The following TAFA5 variants were observed in gnomAD, a reference collection of about 807,000 sequenced individuals.
The protein encoded by TAFA5 is chemokine-like protein TAFA-5.
TAFA5 carries 6 observed loss-of-function variants against 15.3 expected under a neutral mutation model. That is an observed-to-expected ratio of 0.39 (90% CI 0.21 to 0.77). TAFA5 has a LOEUF of 0.77. TAFA5 is among the 30% of genes least tolerant of loss of function. TAFA5 has a pLI of 0.41. For missense variants in TAFA5, 161 were observed against 193.1 expected, an observed-to-expected ratio of 0.83 and a Z score of 0.98; for synonymous variants, 103 against 80.7, an observed-to-expected ratio of 1.28 and a Z score of -1.48.
chr22:48,594,418 C>T (rs1924686763), intron 1 of TAFA5, among the ~76,000 whole-genome samples: 1 of 152,214 alleles, frequency 6.6e-6, no homozygotes, highest in South Asian at 2.1e-4. Flanking sequence ...GGCACACACA[C>T]ACGAGTGTGC....
At chr22:48,629,320 G>T (rs1444558105) in intron 1 of TAFA5, among the ~76,000 whole-genome samples, 3 of 152,088 alleles carry the variant, frequency 2.0e-5, no homozygotes, top group African/African-American at 7.2e-5. Context: ...GACAGAGGCG[G>T]AACAACCCAG....
chr22:48,521,246 A>G (rs1196505800), intron 1 of TAFA5, among the ~76,000 whole-genome samples: 2 of 152,124 alleles, frequency 1.3e-5, no homozygotes, highest in African/African-American at 4.8e-5. Flanking sequence ...TTAAAAAATA[A>G]AGTCAGTGCA....
intron 1 of TAFA5, among the ~76,000 whole-genome samples, chr22:48,613,815 C>A (rs771938507): frequency 6.6e-6 from 1 of 152,186 alleles, no homozygotes; most frequent in Non-Finnish European, 1.5e-5. Flanking sequence ...AGAATGTGGC[C>A]CCCTCGAGCT....
chr22:48,516,595 G>T (rs1398869000), intron 1 of TAFA5, among the ~76,000 whole-genome samples: 4 of 152,264 alleles, frequency 2.6e-5, no homozygotes. Context: ...TCTGAACGTT[G>T]CAGGGTGAAG....
At chr22:48,744,216 TTGG>T (rs1175084396) in intron 3 of TAFA5, among the ~76,000 whole-genome samples, 1 of 152,100 alleles carries the variant, frequency 6.6e-6, no homozygotes, top group Non-Finnish European at 1.5e-5. Context: ...CTGACATTTC[TTGG>T]TGGGATCAAG....
At chr22:48,573,096 C>G (rs1449421853) in intron 1 of TAFA5, among the ~76,000 whole-genome samples, 1 of 152,228 alleles carries the variant, frequency 6.6e-6, no homozygotes, top group Non-Finnish European at 1.5e-5. Context: ...CTGAGCTACA[C>G]TAGCCTTAAA....
intron 3 of TAFA5, among the ~76,000 whole-genome samples, chr22:48,712,422 A>T (rs1056810995): frequency 6.6e-6 from 1 of 152,220 alleles, no homozygotes; most frequent in Non-Finnish European, 1.5e-5. Flanking sequence ...AATTTAATAG[A>T]TCATGACCAG....
At chr22:48,647,529 T>G (rs1926909069) in intron 2 of TAFA5, among the ~76,000 whole-genome samples, 1 of 152,072 alleles carries the variant, frequency 6.6e-6, no homozygotes, top group Admixed American at 6.5e-5. Flanking sequence ...GCATGAGACC[T>G]GGGAACCCCA....
chr22:48,674,716 G>T (rs1441335817), intron 2 of TAFA5, among the ~76,000 whole-genome samples: 1 of 152,108 alleles, frequency 6.6e-6, no homozygotes, highest in Admixed American at 6.5e-5. Flanking sequence ...GAGACGCCGT[G>T]GGGAGGGGGG....
chr22:48,749,789 C>A, intron 3 of TAFA5, 50 bp from the exon 4 acceptor site: 1 of 1,555,676 alleles, frequency 6.4e-7, no homozygotes, highest in Non-Finnish European at 8.7e-7. Flanking sequence ...CCCTGTGGCC[C>A]TGGGCAGCGT....
chr22:48,724,386 C>T (rs1451377498), intron 3 of TAFA5, among the ~76,000 whole-genome samples: 1 of 152,186 alleles, frequency 6.6e-6, no homozygotes, highest in Non-Finnish European at 1.5e-5. Context: ...CAGCTTCCCT[C>T]CTCCCGACAC....
rs556716133 is a variant in TAFA5 at position 48,608,368 on chromosome 22, T to G, written c.113-38229T>G. On this transcript the variant is annotated intron_variant, in intron 1 of 3. Coordinates refer to ENST00000402357, the MANE Select transcript of TAFA5 (RefSeq NM_001082967.3). The stretch of plus-strand genomic sequence containing the variant: ...TCTCTGAACATTTATGCTGGTGAAG[T>G]GTGCGCTGAAATACGGTTTTGCCTC... Among the ~76,000 whole-genome samples the G allele has an allele frequency of 2.6e-5, 4 of 152,198 alleles. No individual in the cohort carries two copies. In the South Asian group the frequency reaches 8.3e-4, roughly 32 times the overall value.
At chr22:48,563,975 T>C (rs1009097563) in intron 1 of TAFA5, among the ~76,000 whole-genome samples, 1 of 151,836 alleles carries the variant, frequency 6.6e-6, no homozygotes, top group African/African-American at 2.4e-5. Context: ...AGCTGTTCTC[T>C]GTACAAAGAG....
intron 1 of TAFA5, among the ~76,000 whole-genome samples, chr22:48,515,945 C>T (rs956394055): frequency 1.3e-5 from 2 of 151,960 alleles, no homozygotes; most frequent in African/African-American, 2.4e-5. Flanking sequence ...AACTCAGAGA[C>T]CCCCACCCTA....
At chr22:48,512,610 A>C (rs1184541003) in intron 1 of TAFA5, among the ~76,000 whole-genome samples, 1 of 151,020 alleles carries the variant, frequency 6.6e-6, no homozygotes, top group Non-Finnish European at 1.5e-5. Flanking sequence ...TGGGTGATAG[A>C]GCGAGACTTT....
At chr22:48,626,415 T>C (rs1186241931) in intron 1 of TAFA5, among the ~76,000 whole-genome samples, 1 of 152,236 alleles carries the variant, frequency 6.6e-6, no homozygotes, top group Admixed American at 6.5e-5. Flanking sequence ...GTTACCTCCT[T>C]ATTTCAATTT....
chr22:48,577,709 C>T (rs941822936), intron 1 of TAFA5, among the ~76,000 whole-genome samples: 14 of 152,218 alleles, frequency 9.2e-5, no homozygotes, highest in African/African-American at 2.4e-5. Context: ...GTGACCTCCA[C>T]GGGCCTGGTG....
chr22:48,570,659 C>T (rs373511062), intron 1 of TAFA5, among the ~76,000 whole-genome samples: 1 of 152,342 alleles, frequency 6.6e-6, no homozygotes, highest in African/African-American at 2.4e-5. Flanking sequence ...CCTACTTTCT[C>T]CATTAAAACA....
intron 3 of TAFA5, among the ~76,000 whole-genome samples, chr22:48,735,983 C>T (rs1272042971): frequency 1.6e-5 from 2 of 123,834 alleles, no homozygotes; most frequent in African/African-American, 6.1e-5. Flanking sequence ...GAATGAGAAT[C>T]GCACTCCTGG....
Sources: gnomAD v4.1 joint callset for allele counts (sites outside exome capture counted in the v4.1 genomes callset) on GRCh38, gnomAD v4.1.1 for gene constraint, MANE v1.5 for transcripts, NCBI Gene and HGNC (gene_info 2026-07-23, HGNC 2026-07-21) for gene names.